Variants in BMPER observed in about 807,000 individuals in gnomAD.
The protein encoded by BMPER is BMP-binding endothelial regulator protein.
Under a neutral mutation model 87.3 loss-of-function variants are expected in BMPER, and 45 were observed. The observed-to-expected ratio is 0.52, with a 90% CI of 0.41 to 0.66. The LOEUF is 0.66. Ranked by LOEUF, BMPER falls within the 30% of genes least tolerant of loss-of-function variation. The pLI is 0.00. For missense variants in BMPER, 784 were observed against 867.5 expected, an observed-to-expected ratio of 0.90 and a Z score of 1.21; for synonymous variants, 326 against 316.2, an observed-to-expected ratio of 1.03 and a Z score of -0.33.
intron 2 of BMPER, among the ~76,000 whole-genome samples, chr7:33,914,245 G>A (rs1367286500): frequency 6.6e-6 from 1 of 152,146 alleles, no homozygotes; most frequent in Non-Finnish European, 1.5e-5. Context: ...GACTACAGGC[G>A]TGAGCCACCG....
intron 13 of BMPER, among the ~76,000 whole-genome samples, chr7:34,087,264 C>T (rs1789240967): frequency 6.6e-6 from 1 of 152,140 alleles, no homozygotes; most frequent in Non-Finnish European, 1.5e-5. Flanking sequence ...CTTCTTTCTC[C>T]TCTCTGTACC....
intron 2 of BMPER, among the ~76,000 whole-genome samples, chr7:33,927,344 C>G (rs1784385321): frequency 6.6e-6 from 1 of 152,188 alleles, no homozygotes; most frequent in Non-Finnish European, 1.5e-5. Context: ...AGGAAGGAGA[C>G]ATGCGCTGAT....
rs116750971 is a variant in BMPER at position 33,908,734 on chromosome 7, A to G, written c.219+1831A>G. ...CAGAAATCCTTTCTAAATGTGTAAT[A>G]TTAGGACTTTGGCTATCAGCTTCAC... On this transcript the variant is annotated intron_variant, in intron 2 of 14. Transcript: ENST00000649409. Among the ~76,000 whole-genome samples the G allele has an allele frequency of 5.1e-3, 771 of 152,316 alleles. 6 individuals carry two copies. The highest frequency in any genetic ancestry group is 0.017 in the African/African-American group (722 of 41,566).
Position 34,100,097 on chromosome 7 carries a change from C to T in BMPER, c.1745+14005C>T, listed in dbSNP as rs537674254. Among the ~76,000 whole-genome samples, 4 of 152,140 alleles carry T rather than the reference C, an allele frequency of 2.6e-5. No homozygotes were observed. In the East Asian group the frequency reaches 5.8e-4, roughly 22 times the overall value. ...CTGTTATATAAATATTTTTTGAGCC[C>T]TATTAAATGCTAGGCACTGTGCTCT... On this transcript the variant is annotated intron_variant, in intron 13 of 14. Transcript: ENST00000649409.
intron 2 of BMPER, among the ~76,000 whole-genome samples, chr7:33,929,060 G>T (rs906847537): frequency 2.0e-5 from 3 of 152,268 alleles, no homozygotes; most frequent in African/African-American, 7.2e-5. Context: ...GGGGGCCCCA[G>T]TGGGCTTCAT....
chr7:34,127,755 A>G (rs370431816), intron 13 of BMPER, among the ~76,000 whole-genome samples: 2 of 152,244 alleles, frequency 1.3e-5, no homozygotes, highest in African/African-American at 4.8e-5. Flanking sequence ...TTCAGGCTCT[A>G]TACATTCTCC....
chr7:34,013,367 T>A (rs1786932849), intron 6 of BMPER, among the ~76,000 whole-genome samples: 1 of 151,698 alleles, frequency 6.6e-6, no homozygotes, highest in Admixed American at 6.6e-5. Context: ...ACTCTACTAC[T>A]TCCATCCTAG....
intron 6 of BMPER, among the ~76,000 whole-genome samples, chr7:34,043,346 G>C (rs1787879467): frequency 6.6e-6 from 1 of 152,120 alleles, no homozygotes; most frequent in Non-Finnish European, 1.5e-5. Flanking sequence ...TCTGCATTTA[G>C]CTGGCCATCT....
At chr7:34,094,174 A>C (rs1362557230) in intron 13 of BMPER, among the ~76,000 whole-genome samples, 1 of 151,804 alleles carries the variant, frequency 6.6e-6, no homozygotes, top group Non-Finnish European at 1.5e-5. Context: ...TATTTAATTC[A>C]CTCCTTTTTA....
intron 6 of BMPER, among the ~76,000 whole-genome samples, chr7:34,027,838 A>G (rs1299464346): frequency 1.3e-5 from 2 of 152,116 alleles, no homozygotes; most frequent in Non-Finnish European, 2.9e-5. Context: ...TACTCATATA[A>G]TTATCTGAAG....
intron 13 of BMPER, among the ~76,000 whole-genome samples, chr7:34,097,554 C>A (rs906746060): frequency 6.6e-6 from 1 of 152,010 alleles, no homozygotes; most frequent in African/African-American, 2.4e-5. Flanking sequence ...GTGTTAGGTC[C>A]ATAGTTCTCA....
At chr7:34,114,444 C>A (rs1312942172) in intron 13 of BMPER, among the ~76,000 whole-genome samples, 2 of 152,096 alleles carry the variant, frequency 1.3e-5, no homozygotes, top group Non-Finnish European at 2.9e-5. Flanking sequence ...TTAATAAAAC[C>A]CAATTCATAA....
At chr7:34,106,072 GA>G (rs1421797811) in intron 13 of BMPER, among the ~76,000 whole-genome samples, 2 of 152,142 alleles carry the variant, frequency 1.3e-5, no homozygotes, top group Non-Finnish European at 2.9e-5. Flanking sequence ...TCCTGAGTGG[GA>G]GTAAACAGAT....
At chr7:33,991,664 G>T (rs1786222742) in intron 6 of BMPER, among the ~76,000 whole-genome samples, 1 of 151,758 alleles carries the variant, frequency 6.6e-6, no homozygotes, top group South Asian at 2.1e-4. Context: ...GCTAGCTTTT[G>T]AATGTGTTTG....
In BMPER at chr7:34,078,911, G is replaced by A; in HGVS notation, c.1133G>A (p.Arg378Gln). The A allele has an allele frequency of 1.5e-5, 24 of 1,614,152 alleles. No homozygotes were observed. The highest frequency in any genetic ancestry group is 1.9e-5 in the Non-Finnish European group (23 of 1,180,026). Reference sequence around the variant, plus strand: ...CCCCACTACAACACTTTTGACGGTCGGACATTTAACTTTCAGGGGACGTGT... The same window carrying A: ...CCCCACTACAACACTTTTGACGGTCAGACATTTAACTTTCAGGGGACGTGT... The part of the protein sequence containing the change: ...GDPHYNTFDG[R>Q]TFNFQGTCQY... Residue 378 changes from arginine (R) to glutamine (Q), a missense_variant, in exon 12 of 15, where the codon CGG (arginine) becomes CAG (glutamine). Transcript: ENST00000649409.
Position 34,061,611 on chromosome 7 carries a change from C to T in BMPER, c.1033-391C>T, listed in dbSNP as rs996018493. On this transcript the variant is annotated intron_variant, in intron 10 of 14. Transcript: ENST00000649409. ...GACAGAAAGAAGGTCTTGTAGGGTT[C>T]GCTAGGTTGACAGATAATTCTCATT... Among the ~76,000 whole-genome samples the T allele has an allele frequency of 8.5e-5, 13 of 152,126 alleles. No individual in the cohort carries two copies. The East Asian group carries it at 1.2e-3, about 14-fold the overall frequency.
In BMPER at chr7:34,024,378, A is replaced by T. The variant is rs1787287698; in HGVS notation, c.577-21928A>T. Reference sequence around the variant, plus strand: ...GTCTCAAAAAAAAAAAAAAAAAAAAAAAAACAATATATATATATATATATA... The same window carrying T: ...GTCTCAAAAAAAAAAAAAAAAAAAATAAAACAATATATATATATATATATA... On this transcript the variant is annotated intron_variant, in intron 6 of 14. Transcript: ENST00000649409. 3.4e-5 allele frequency among the ~76,000 whole-genome samples: 3 copies of T among 89,318 alleles called. 1 individual carries two copies. The highest frequency in any genetic ancestry group is 1.1e-4 in the African/African-American group (2 of 17,416). The allele number at this position is 89,318 out of a possible 152,430, so 58.6% of individuals were successfully genotyped here.
intron 9 of BMPER, 76 bp from the exon 10 acceptor site, chr7:34,057,983 T>C: frequency 7.6e-7 from 1 of 1,313,642 alleles, no homozygotes; most frequent in Non-Finnish European, 1.1e-6. Flanking sequence ...CTTTCCTCCA[T>C]GGAGAGGTTA....
At chr7:33,992,874 T>G (rs948918645) in intron 6 of BMPER, among the ~76,000 whole-genome samples, 1 of 134,994 alleles carries the variant, frequency 7.4e-6, no homozygotes, top group African/African-American at 2.8e-5. Flanking sequence ...CCTTCACTTA[T>G]GAAGCTTAGT....
Sources: allele counts gnomAD v4.1 joint callset (sites outside exome capture counted in the v4.1 genomes callset), GRCh38; gene constraint gnomAD v4.1.1; transcripts MANE v1.5; gene names NCBI Gene and HGNC (gene_info 2026-07-23, HGNC 2026-07-21).